Variants in FAAH2 observed in about 807,000 individuals in gnomAD.
FAAH2 encodes the protein fatty acid amide hydrolase 2.
A neutral mutation model predicts 36.9 loss-of-function variants in FAAH2; 60 were observed. The observed-to-expected ratio is 1.63, with a 90% CI of 1.32 to 2.02. The LOEUF (loss-of-function observed/expected upper bound fraction) is 2.02. Ranked by LOEUF, FAAH2 falls within the 30% of genes most tolerant of loss-of-function variation. FAAH2 has a pLI of 0.00. For synonymous variants in FAAH2, 214 were observed against 143.8 expected (o/e 1.49, Z -3.49); for missense variants, 689 against 397.5 (o/e 1.73, Z -6.23).
chrX:57,242,923 T>C, the FAAH2 span, among the ~76,000 whole-genome samples: 38 of 111,653 alleles, frequency 3.4e-4, no homozygotes, highest in African/African-American at 1.1e-3. Context: ...TTCACTTCCC[T>C]GGAAAGGGGG....
At chrX:57,183,781 G>T in the FAAH2 span, among the ~76,000 whole-genome samples, 75 of 111,346 alleles carry the variant, frequency 6.7e-4, no homozygotes, top group African/African-American at 2.3e-3. Flanking sequence ...GCGATTTTTA[G>T]GGAACGAGGG....
chrX:57,433,858 A>G (rs1009427809), intron 8 of FAAH2, among the ~76,000 whole-genome samples: 4 of 111,861 alleles, frequency 3.6e-5, no homozygotes, highest in African/African-American at 1.3e-4. Flanking sequence ...ACAAAATTCC[A>G]CATTCAATGA....
At chrX:57,166,572 GTAT>G in the FAAH2 span, among the ~76,000 whole-genome samples, 1 of 112,298 alleles carries the variant, frequency 8.9e-6, no homozygotes, top group Admixed American at 9.4e-5. Flanking sequence ...TGTTTCAATG[GTAT>G]TATGTGAAGC....
At chrX:57,397,488 G>T (rs1422617070) in intron 7 of FAAH2, among the ~76,000 whole-genome samples, 2 of 111,177 alleles carry the variant, frequency 1.8e-5, no homozygotes, top group Non-Finnish European at 3.8e-5. Context: ...CTTAGCATTT[G>T]CTTATCTGGG....
At chrX:57,452,260 G>A (rs944467663) in intron 10 of FAAH2, 11 of 753,241 alleles carry the variant, frequency 1.5e-5, no homozygotes, top group Non-Finnish European at 1.7e-5. Context: ...CAGATCTTTT[G>A]TGACCTCTTC....
chrX:57,463,442 T>C (rs1248507710), intron 10 of FAAH2, among the ~76,000 whole-genome samples: 2 of 111,460 alleles, frequency 1.8e-5, no homozygotes, highest in African/African-American at 6.5e-5. Flanking sequence ...AACACCATAG[T>C]ATTGGCACCA....
intron 7 of FAAH2, among the ~76,000 whole-genome samples, chrX:57,384,973 A>C (rs1030305802): frequency 6.3e-5 from 7 of 111,617 alleles, no homozygotes; most frequent in Admixed American, 1.9e-4. Flanking sequence ...AGTTCATGTC[A>C]TTTGTAGGGA....
chrX:57,135,065 A>AT, the FAAH2 span: 1 of 111,624 alleles, frequency 9.0e-6, no homozygotes, highest in African/African-American at 3.3e-5. Flanking sequence ...CATGGGCCCC[A>AT]TACCCCACAA....
intron 7 of FAAH2, chrX:57,393,071 G>T: frequency 1.1e-6 from 1 of 911,447 alleles, no homozygotes. Context: ...AGGTACCCTT[G>T]CCCCCTTCTG....
chrX:57,480,936 T>C (rs1355646515), intron 10 of FAAH2, among the ~76,000 whole-genome samples: 1 of 109,994 alleles, frequency 9.1e-6, no homozygotes, highest in East Asian at 2.8e-4. Flanking sequence ...TGTTTTTTTT[T>C]CCTTTTCACT....
the FAAH2 span, among the ~76,000 whole-genome samples, chrX:57,162,429 TCTC>T: frequency 8.9e-6 from 1 of 111,885 alleles, no homozygotes; most frequent in Non-Finnish European, 1.9e-5. Flanking sequence ...TTGGGGAAGT[TCTC>T]CTGGATAATA....
intron 7 of FAAH2, among the ~76,000 whole-genome samples, chrX:57,420,953 G>T (rs369213704): frequency 8.9e-6 from 1 of 112,059 alleles, no homozygotes; most frequent in Non-Finnish European, 1.9e-5. Context: ...TTTGTCAAAG[G>T]CCTTTTCTGC....
chrX:57,429,772 C>A (rs1446821736), intron 7 of FAAH2, among the ~76,000 whole-genome samples: 1 of 111,262 alleles, frequency 9.0e-6, no homozygotes, highest in Non-Finnish European at 1.9e-5. Flanking sequence ...GATATAGAAT[C>A]AACTAAACTG....
the FAAH2 span, among the ~76,000 whole-genome samples, chrX:57,167,249 G>A: frequency 9.0e-6 from 1 of 111,482 alleles, no homozygotes; most frequent in African/African-American, 3.3e-5. Flanking sequence ...TTTCCTAGCT[G>A]TATATATCAC....
chrX:57,157,814 T>A, the FAAH2 span, among the ~76,000 whole-genome samples: 1 of 110,288 alleles, frequency 9.1e-6, no homozygotes, highest in African/African-American at 3.3e-5. Context: ...TTAATTTTTA[T>A]TTTTTATTTT....
At chrX:57,322,107 G>A (rs1017027107) in intron 3 of FAAH2, among the ~76,000 whole-genome samples, 2 of 109,582 alleles carry the variant, frequency 1.8e-5, no homozygotes, top group African/African-American at 3.3e-5. Context: ...GGTTCACGCC[G>A]TTCTCCTGCC....
intron 7 of FAAH2, among the ~76,000 whole-genome samples, chrX:57,412,410 C>T (rs1346050128): frequency 9.1e-6 from 1 of 110,481 alleles, no homozygotes; most frequent in Non-Finnish European, 1.9e-5. Flanking sequence ...ATGTGATGTT[C>T]CCCTCCCTGT....
chrX:57,144,845 G>A, the FAAH2 span, among the ~76,000 whole-genome samples: 2 of 109,508 alleles, frequency 1.8e-5, no homozygotes, highest in Admixed American at 9.9e-5. Context: ...TGCAAATGCC[G>A]TTAATTCATT....
intron 4 of FAAH2, among the ~76,000 whole-genome samples, chrX:57,340,958 A>G (rs1011202644): frequency 2.7e-5 from 3 of 110,410 alleles, no homozygotes; most frequent in Non-Finnish European, 3.8e-5. Context: ...TTAAAAGTTG[A>G]TGGAAAAAAA....
Sources: gnomAD v4.1 joint callset for allele counts (sites outside exome capture counted in the v4.1 genomes callset) on GRCh38, gnomAD v4.1.1 for gene constraint, MANE v1.5 for transcripts, NCBI Gene and HGNC (gene_info 2026-07-23, HGNC 2026-07-21) for gene names.